The following LRRIQ1 variants were observed in gnomAD, a reference collection of about 807,000 sequenced individuals.
LRRIQ1 encodes leucine-rich repeat- and IQ domain-containing protein 1.
In LRRIQ1, 210 loss-of-function variants were observed where a neutral mutation model predicts 211.9. The observed-to-expected ratio is 0.99, with a 90% confidence interval of 0.89 to 1.11. LRRIQ1 has a LOEUF of 1.11. Ranked by LOEUF, LRRIQ1 falls within the 50% of genes most tolerant of loss-of-function variation. LRRIQ1 has a pLI of 0.00. For missense variants in LRRIQ1, 2,136 were observed against 1,939.5 expected (o/e 1.10, Z -1.90); for synonymous variants, 699 against 650.1 (o/e 1.08, Z -1.14).
At chr12:85,191,446 C>T (rs1421493244) in intron 24 of LRRIQ1, among the ~76,000 whole-genome samples, 4 of 151,928 alleles carry the variant, frequency 2.6e-5, no homozygotes, top group Non-Finnish European at 5.9e-5. Context: ...TGGCATCTTT[C>T]ACTTAGTAAC....
At chr12:85,092,317 A>G (rs1885473385) in intron 11 of LRRIQ1, among the ~76,000 whole-genome samples, 1 of 152,124 alleles carries the variant, frequency 6.6e-6, no homozygotes, top group African/African-American at 2.4e-5. Context: ...AGAATCCAAC[A>G]CTTATTTTAG....
chr12:85,210,623 C>T (rs1281537242), intron 24 of LRRIQ1, among the ~76,000 whole-genome samples: 1 of 152,008 alleles, frequency 6.6e-6, no homozygotes, highest in Non-Finnish European at 1.5e-5. Flanking sequence ...TTACTATAGT[C>T]GGAATTCTAA....
At chr12:85,103,613 A>G (rs565722118) in intron 13 of LRRIQ1, among the ~76,000 whole-genome samples, 1 of 151,832 alleles carries the variant, frequency 6.6e-6, no homozygotes, top group Admixed American at 6.6e-5. Flanking sequence ...AAAAATAAAT[A>G]AAAAATGTAA....
At chr12:85,097,528 G>A (rs1019955760) in intron 11 of LRRIQ1, among the ~76,000 whole-genome samples, 2 of 151,826 alleles carry the variant, frequency 1.3e-5, no homozygotes, top group African/African-American at 2.4e-5. Context: ...CTGTCCTTGC[G>A]ATAGTTTGCT....
At chr12:85,194,678 T>C (rs1242087477) in intron 24 of LRRIQ1, among the ~76,000 whole-genome samples, 5 of 151,752 alleles carry the variant, frequency 3.3e-5, no homozygotes, top group Admixed American at 2.0e-4. Context: ...AAGCAGTGTG[T>C]AGAGGGAAAT....
chr12:85,174,992 G>A (rs1203413875), intron 24 of LRRIQ1, among the ~76,000 whole-genome samples: 1 of 151,962 alleles, frequency 6.6e-6, no homozygotes, highest in South Asian at 2.1e-4. Flanking sequence ...AAAATATATT[G>A]AATTTCCCAA....
intron 15 of LRRIQ1, among the ~76,000 whole-genome samples, chr12:85,120,212 G>C (rs2136414771): frequency 6.6e-6 from 1 of 152,140 alleles, no homozygotes; most frequent in East Asian, 1.9e-4. Context: ...ATAATATTTT[G>C]TGAAGGGTGT....
chr12:85,165,099 C>G (rs1891084578), intron 24 of LRRIQ1, among the ~76,000 whole-genome samples: 1 of 151,992 alleles, frequency 6.6e-6, no homozygotes, highest in African/African-American at 2.4e-5. Flanking sequence ...TATTAAATAT[C>G]AAGTCTGTGA....
chr12:85,056,775 C>G lies in LRRIQ1; in HGVS notation c.1982C>G (p.Thr661Ser), dbSNP rs1317513693. The change falls in exon 8 of 27, where the codon ACT becomes AGT. Residue 661 changes from threonine (T) to serine (S), a missense_variant. By Grantham distance (58) the Thr-to-Ser change is moderately conservative. Transcript: ENST00000393217. ...WNSGIVIFNTTDTMINIEGKR... is the reference protein window; with the variant it reads ...WNSGIVIFNTSDTMINIEGKR... ...AGTGGCATTGTGATTTTTAACACAA[C>G]TGATACCATGATAAATATAGAAGGC... 8 of 1,608,884 alleles carry G rather than the reference C, an allele frequency of 5.0e-6. No individual in the cohort carries two copies. The African/African-American group carries it at 1.1e-4, about 22-fold the overall frequency.
intron 26 of LRRIQ1, among the ~76,000 whole-genome samples, chr12:85,237,531 C>T (rs1004005531): frequency 6.6e-6 from 1 of 151,954 alleles, no homozygotes; most frequent in African/African-American, 2.4e-5. Flanking sequence ...TCATTGAGGT[C>T]CAGAAGGGAA....
chr12:85,121,560 A>C (rs1887985445), intron 15 of LRRIQ1, 137 bp from the exon 16 acceptor site: 4 of 588,994 alleles, frequency 6.8e-6, no homozygotes, highest in Non-Finnish European at 1.0e-5. Flanking sequence ...ATCTAACTCT[A>C]TCATTTTCCC....
chr12:85,127,409 C>G (rs960702592), intron 17 of LRRIQ1, among the ~76,000 whole-genome samples: 2 of 152,174 alleles, frequency 1.3e-5, no homozygotes, highest in African/African-American at 4.8e-5. Context: ...AAGGAAGCCT[C>G]CTTCCTCTTA....
At chr12:85,257,161 AT>A (rs376191856) in intron 1 of LRRIQ1, among the ~76,000 whole-genome samples, 3 of 2,102 alleles carry the variant, frequency 1.4e-3, no homozygotes, top group African/African-American at 5.2e-3. Flanking sequence ...ATTATATATA[AT>A]TATATAATAA....
chr12:85,134,591 C>G (rs1442199440), intron 18 of LRRIQ1, among the ~76,000 whole-genome samples: 1 of 151,958 alleles, frequency 6.6e-6, no homozygotes, highest in Non-Finnish European at 1.5e-5. Context: ...GAATACTGTT[C>G]CTTTGCATTT....
intron 1 of LRRIQ1, among the ~76,000 whole-genome samples, chr12:85,255,340 A>G (rs757946602): frequency 1.3e-5 from 2 of 151,848 alleles, no homozygotes; most frequent in Non-Finnish European, 2.9e-5. Context: ...GATATCCACT[A>G]TCTATGTCAA....
At chr12:85,173,318 A>G (rs1592922066) in intron 24 of LRRIQ1, among the ~76,000 whole-genome samples, 1 of 152,324 alleles carries the variant, frequency 6.6e-6, no homozygotes, top group East Asian at 1.9e-4. Context: ...TGTATATTAA[A>G]TGCTAAGGCC....
rs763102144 is a variant in LRRIQ1, at chr12:85,106,537, T to C, written c.3299T>C (p.Ile1100Thr). The C allele has an allele frequency of 1.2e-6, 2 of 1,608,586 alleles. No homozygotes were observed. Among genetic ancestry groups the C allele is most frequent in the East Asian group, 2.2e-5 (1 of 44,656 alleles). Residue 1100 changes from isoleucine (I) to threonine (T), a missense_variant, in exon 15 of 27, where the codon ATA becomes ACA. Ile to Thr is a moderately conservative substitution (Grantham distance 89). Coordinates refer to ENST00000393217, the MANE Select transcript of LRRIQ1 (RefSeq NM_001079910.2). ...HNCLSDLKSA[I>T]KWFDACYSLH... Reference sequence around the variant, plus strand: ...TTTTCTGTAGATCTTAAAAGTGCCATAAAATGGTTTGATGCATGCTATTCT... The same window carrying C: ...TTTTCTGTAGATCTTAAAAGTGCCACAAAATGGTTTGATGCATGCTATTCT...
rs565805395 is a variant in LRRIQ1, at chr12:85,176,979, G to C, written c.4822+16265G>C. On this transcript the variant is annotated intron_variant, in intron 24 of 26. Transcript: ENST00000393217. ...TAAAAATCATATTCACCAACTTGGA[G>C]TTATGTAAGACAGAGTTTTGACTCT... Among the ~76,000 whole-genome samples the C allele has an allele frequency of 5.3e-5, 8 of 152,158 alleles. No homozygotes were observed. The South Asian group carries it at 1.7e-3, about 32-fold the overall frequency.
chr12:85,199,317 A>G (rs1011388910), intron 24 of LRRIQ1, among the ~76,000 whole-genome samples: 1 of 152,030 alleles, frequency 6.6e-6, no homozygotes, highest in Non-Finnish European at 1.5e-5. Context: ...TCCAGTTTCA[A>G]TCTTTCGCAT....
Sources: allele counts gnomAD v4.1 joint callset (sites outside exome capture counted in the v4.1 genomes callset), GRCh38; gene constraint gnomAD v4.1.1; transcripts MANE v1.5; gene names NCBI Gene and HGNC (gene_info 2026-07-23, HGNC 2026-07-21).